The following NF1 variants were observed in gnomAD, a reference collection of about 807,000 sequenced individuals.
NF1 encodes the protein neurofibromin.
In NF1, 122 loss-of-function variants were observed where a neutral mutation model predicts 325.7. That is an observed-to-expected ratio of 0.37 (90% confidence interval 0.32 to 0.44). The LOEUF is 0.44. Among genes scored for constraint, NF1 ranks in the 20% least tolerant of loss-of-function variants. The pLI, the probability that NF1 is intolerant of heterozygous loss-of-function variation, is 1.00. For synonymous variants in NF1, 1,091 were observed against 1,186.0 expected (o/e 0.92, Z 1.65); for missense variants, 2,140 against 3,415.4 (o/e 0.63, Z 9.31).
intron 1 of NF1, among the ~76,000 whole-genome samples, chr17:31,132,886 C>T (rs976911650): frequency 3.3e-5 from 5 of 152,120 alleles, no homozygotes; most frequent in African/African-American, 7.2e-5. Flanking sequence ...AGGCTGGTCT[C>T]GAACTCCTGA....
chr17:31,313,952 A>C, intron 36 of NF1: 1 of 397,960 alleles, frequency 2.5e-6, no homozygotes, highest in Non-Finnish European at 4.4e-6. Context: ...AGCAAGATCA[A>C]ACCAAATTGT....
chr17:31,141,624 A>T (rs1351543778), intron 1 of NF1, among the ~76,000 whole-genome samples: 1 of 152,228 alleles, frequency 6.6e-6, no homozygotes, highest in Non-Finnish European at 1.5e-5. Context: ...TGCAAAACAC[A>T]TTACTTCAAA....
intron 29 of NF1, among the ~76,000 whole-genome samples, chr17:31,244,092 G>A (rs1027120823): frequency 6.6e-6 from 1 of 152,082 alleles, no homozygotes; most frequent in Non-Finnish European, 1.5e-5. Context: ...CTGGCCCAGG[G>A]TTTGTTTAGG....
chr17:31,163,470 G>T (rs2065798022), intron 4 of NF1, 94 bp downstream of exon 4: 3 of 1,416,584 alleles, frequency 2.1e-6, no homozygotes, highest in South Asian at 2.4e-5. Flanking sequence ...TAATGGAAAT[G>T]AGGTTTTTTT....
rs2151470213 is a variant in NF1, at chr17:31,265,290, G to A, written c.4786G>A (p.Ala1596Thr). 1 of 1,613,448 alleles carries A rather than the reference G, an allele frequency of 6.2e-7. No individual in the cohort carries two copies. The highest frequency in any genetic ancestry group is 1.1e-5 in the South Asian group (1 of 91,076). Residue 1596 changes from alanine (A) to threonine (T), a missense_variant, in exon 36 of 58, where the codon GCT (alanine) becomes ACT (threonine). This residue lies in a region of NF1 where 103 missense variants were observed against 214.6 expected (regional missense o/e 0.48). Transcript: ENST00000358273. ...GAAAACGTTAAGTATTTTCTACCAA[G>A]CTGGGACTTCCAAAGCTGGGAATCC... is the stretch of plus-strand genomic sequence containing the variant. ...ALKTLSIFYQAGTSKAGNPIF... is the reference protein window; with the variant it reads ...ALKTLSIFYQTGTSKAGNPIF...
rs2069789708 is a variant in NF1 at position 31,340,511 on chromosome 17, C to T, written c.6928C>T (p.Pro2310Ser). ...AACATATCTTCTTTGCCAGGACTCG[C>T]CTCTGCACAAAGCCCTCTTTTGGGT... ...KLQPLLNKDS[P>S]LHKALFWVAV... is the part of the protein sequence containing the mutation. The change falls in exon 47 of 58, where the codon CCT (proline) becomes TCT (serine). Residue 2310 changes from proline (P) to serine (S), a missense_variant. By Grantham distance (74) the Pro-to-Ser change is moderately conservative. Coordinates refer to ENST00000358273, the MANE Select transcript of NF1 (RefSeq NM_001042492.3). 1 of 1,614,174 alleles carries T rather than the reference C, an allele frequency of 6.2e-7. No homozygotes were observed. Among genetic ancestry groups the T allele is most frequent in the East Asian group, 2.2e-5 (1 of 44,884 alleles).
rs876659888 is a variant in NF1 at position 31,229,436 on chromosome 17, A to T, written c.2821A>T (p.Ile941Phe). The change falls in exon 21 of 58, where the codon ATC becomes TTC. Residue 941 changes from isoleucine to phenylalanine, a missense_variant. Around this residue, in one of 10 missense-constraint regions of NF1, gnomAD observed 380 missense variants for 639.3 expected, o/e 0.59. Coordinates refer to ENST00000358273, the MANE Select transcript of NF1 (RefSeq NM_001042492.3). ...GCTATTTAACAAATTGAAGAATACC[A>T]TCAGCAAGTTTTTTGACTCCCAAGG... is the stretch of plus-strand genomic sequence containing the variant. ...PMLFNKLKNT[I>F]SKFFDSQGQV... The T allele has an allele frequency of 6.2e-7, 1 of 1,613,916 alleles. No individual in the cohort carries two copies. The highest frequency in any genetic ancestry group is 8.5e-7 in the Non-Finnish European group (1 of 1,179,800).
At chr17:31,349,352 G>T in intron 49 of NF1, 101 bp downstream of exon 49, 1 of 1,228,564 alleles carries the variant, frequency 8.1e-7, no homozygotes, top group East Asian at 2.5e-5. Flanking sequence ...TTGCGTGGCA[G>T]AGCAGAAAGT....
At chr17:31,132,325 TG>T (rs1338840455) in intron 1 of NF1, among the ~76,000 whole-genome samples, 1 of 152,126 alleles carries the variant, frequency 6.6e-6, no homozygotes, top group Non-Finnish European at 1.5e-5. Flanking sequence ...ATGGATCACT[TG>T]AAGTCGAGAG....
chr17:31,110,665 G>A (rs751393385), intron 1 of NF1, among the ~76,000 whole-genome samples: 2 of 152,030 alleles, frequency 1.3e-5, no homozygotes, highest in Non-Finnish European at 2.9e-5. Flanking sequence ...ATCAGACAAA[G>A]ACTTATTTTA....
intron 54 of NF1, chr17:31,357,613 C>G (rs1051154871): frequency 1.9e-4 from 101 of 544,380 alleles, no homozygotes; most frequent in Admixed American, 3.1e-4. Context: ...TTTTGATGAT[C>G]ATTGCTCATT....
chr17:31,372,945 G>A (rs2070672633), intron 57 of NF1, among the ~76,000 whole-genome samples: 1 of 152,180 alleles, frequency 6.6e-6, no homozygotes, highest in African/African-American at 2.4e-5. Flanking sequence ...GAGCCTGGAA[G>A]TTCAAGGTTA....
intron 37 of NF1, among the ~76,000 whole-genome samples, chr17:31,326,504 C>T (rs914909790): frequency 1.3e-5 from 2 of 152,024 alleles, no homozygotes; most frequent in African/African-American, 2.4e-5. Context: ...AAACATTAGC[C>T]GGGTATGGTG....
intron 31 of NF1, among the ~76,000 whole-genome samples, chr17:31,255,779 G>A (rs770439011): frequency 7.9e-5 from 12 of 152,108 alleles, no homozygotes; most frequent in African/African-American, 2.7e-4. Context: ...CCGGTAAATA[G>A]CTACTTTCAA....
chr17:31,178,208 A>G (rs1308828980), intron 5 of NF1, among the ~76,000 whole-genome samples: 2 of 152,212 alleles, frequency 1.3e-5, no homozygotes, highest in Non-Finnish European at 2.9e-5. Context: ...AGTGGGGGCC[A>G]ATATTCAACA....
intron 5 of NF1, among the ~76,000 whole-genome samples, chr17:31,178,242 C>G (rs1292661998): frequency 3.3e-5 from 5 of 152,160 alleles, no homozygotes; most frequent in African/African-American, 9.7e-5. Flanking sequence ...GAATTTTCAT[C>G]ACAGAATTTC....
chr17:31,186,048 T>C (rs1378528808), intron 8 of NF1, among the ~76,000 whole-genome samples: 1 of 152,166 alleles, frequency 6.6e-6, no homozygotes, highest in Non-Finnish European at 1.5e-5. Context: ...ACTGCCTATC[T>C]ATGAACTGGG....
chr17:31,324,509 C>T (rs1331173494), intron 36 of NF1, among the ~76,000 whole-genome samples: 2 of 152,214 alleles, frequency 1.3e-5, no homozygotes, highest in East Asian at 3.8e-4. Flanking sequence ...AGTCACCTTA[C>T]TATGAATAGT....
intron 1 of NF1, among the ~76,000 whole-genome samples, chr17:31,139,783 A>G (rs1916081221): frequency 6.6e-6 from 1 of 152,214 alleles, no homozygotes; most frequent in Non-Finnish European, 1.5e-5. Flanking sequence ...TCACTCGTTA[A>G]GAAAGTAACA....
Sources: allele counts gnomAD v4.1 joint callset (sites outside exome capture counted in the v4.1 genomes callset), GRCh38; gene constraint gnomAD v4.1.1; regional missense constraint gnomAD v4.1.1; transcripts MANE v1.5; gene names NCBI Gene and HGNC (gene_info 2026-07-23, HGNC 2026-07-21).